ASCC3: variants seen among roughly 807,000 people sequenced by gnomAD.
ASCC3 encodes activating signal cointegrator 1 complex subunit 3.
A neutral mutation model predicts 256.3 loss-of-function variants in ASCC3; 158 were observed. That is an observed-to-expected ratio of 0.62 (90% CI 0.54 to 0.70). The LOEUF (loss-of-function observed/expected upper bound fraction) is 0.70. Among genes scored for constraint, ASCC3 ranks in the 30% least tolerant of loss-of-function variants. The probability of loss-of-function intolerance (pLI) is 0.00; values close to 1 mark genes in which losing one functional copy is unlikely to be tolerated. For synonymous variants in ASCC3, 948 were observed against 883.4 expected, an observed-to-expected ratio of 1.07 and a Z score of -1.30; for missense variants, 2,259 against 2,626.0, an observed-to-expected ratio of 0.86 and a Z score of 3.05.
intron 10 of ASCC3, among the ~76,000 whole-genome samples, chr6:100,740,730 C>T (rs149565067): frequency 1.4e-3 from 206 of 152,262 alleles, no homozygotes; most frequent in Non-Finnish European, 2.3e-3. Context: ...CTAGGAATGG[C>T]AACCCCTGCT....
Position 100,524,460 on chromosome 6 carries a change from T to C in ASCC3, c.5776-6318A>G, listed in dbSNP as rs373551913. ...ATTCTGGATTTAAATAATCCAAAAG[T>C]AAAATAGGAACATTGAGCACTGTGA... On this transcript the variant is annotated intron_variant, in intron 37 of 41. Transcript: ENST00000369162. 4.2e-4 allele frequency among the ~76,000 whole-genome samples: 64 copies of C among 152,248 alleles called. 1 individual carries two copies. In the East Asian group the frequency reaches 9.7e-3, roughly 23 times the overall value.
chr6:100,783,854 T>C (rs554873076), intron 8 of ASCC3, among the ~76,000 whole-genome samples: 31 of 151,774 alleles, frequency 2.0e-4, no homozygotes, highest in Non-Finnish European at 4.3e-4. Context: ...GAGCACGTAC[T>C]ACATATGAGG....
chr6:100,643,991 A>G, intron 23 of ASCC3, 40 bp downstream of exon 23: 1 of 1,393,118 alleles, frequency 7.2e-7, no homozygotes, highest in Non-Finnish European at 1.0e-6. Context: ...AATTTTTTTT[A>G]CAATAGCAAA....
intron 34 of ASCC3, among the ~76,000 whole-genome samples, chr6:100,595,303 T>C (rs915553035): frequency 6.6e-6 from 1 of 152,188 alleles, no homozygotes; most frequent in Admixed American, 6.6e-5. Flanking sequence ...CAGCACATTG[T>C]ACACCATAAT....
At chr6:100,664,941 T>A (rs239222) in intron 14 of ASCC3, among the ~76,000 whole-genome samples, 89,951 of 152,060 alleles carry the variant, frequency 0.59, 27,112 homozygotes, top group East Asian at 0.73. Flanking sequence ...TAAGTCTGCT[T>A]TCTGTGGGCT....
At position 100,509,916 on chromosome 6, in the gene ASCC3, G is replaced by A; in HGVS notation, c.6461+16C>T. The A allele has an allele frequency of 1.2e-6, 2 of 1,601,390 alleles. No homozygotes were observed. Among genetic ancestry groups the A allele is most frequent in the Non-Finnish European group, 8.5e-7 (1 of 1,170,804 alleles). On this transcript the variant is annotated intron_variant, in intron 41 of 41. Coordinates refer to ENST00000369162, the MANE Select transcript of ASCC3 (RefSeq NM_006828.4). Reference sequence around the variant, plus strand: ...AAAAAAAAAAAAGAGAACTTTGGTAGTAGGATTCTTCTTACCTTCCAGGTA... The same window carrying A: ...AAAAAAAAAAAAGAGAACTTTGGTAATAGGATTCTTCTTACCTTCCAGGTA...
At chr6:100,626,533 G>A (rs1049930316) in intron 29 of ASCC3, among the ~76,000 whole-genome samples, 5 of 151,952 alleles carry the variant, frequency 3.3e-5, no homozygotes, top group African/African-American at 1.2e-4. Flanking sequence ...AAGTACTTTA[G>A]TTATTTACTA....
At chr6:100,814,598 T>C (rs1364033296) in intron 4 of ASCC3, among the ~76,000 whole-genome samples, 1 of 152,122 alleles carries the variant, frequency 6.6e-6, no homozygotes, top group Non-Finnish European at 1.5e-5. Flanking sequence ...GTATGATATT[T>C]ATCACTGATT....
chr6:100,751,928 C>T (rs1039353725), intron 10 of ASCC3, among the ~76,000 whole-genome samples: 2 of 152,126 alleles, frequency 1.3e-5, no homozygotes, highest in African/African-American at 4.8e-5. Context: ...GATTCCTAAA[C>T]ATCAGACCCA....
chr6:100,566,159 A>G (rs1413848595), intron 36 of ASCC3, among the ~76,000 whole-genome samples: 1 of 152,204 alleles, frequency 6.6e-6, no homozygotes, highest in Admixed American at 6.5e-5. Flanking sequence ...ATATGTTCCA[A>G]CATGTGTCCC....
intron 29 of ASCC3, among the ~76,000 whole-genome samples, chr6:100,626,578 C>T (rs746598890): frequency 7.9e-5 from 12 of 151,994 alleles, no homozygotes; most frequent in Non-Finnish European, 1.3e-4. Context: ...TCCTTTCCAT[C>T]AATGGTATGC....
At chr6:100,547,604 A>T (rs1769044471) in intron 36 of ASCC3, among the ~76,000 whole-genome samples, 1 of 152,064 alleles carries the variant, frequency 6.6e-6, no homozygotes, top group Non-Finnish European at 1.5e-5. Context: ...AAAAATATAA[A>T]TTAGAATGGC....
chr6:100,745,275 C>T (rs1431432210), intron 10 of ASCC3, among the ~76,000 whole-genome samples: 6 of 151,584 alleles, frequency 4.0e-5, no homozygotes, highest in African/African-American at 1.2e-4. Context: ...TGCAGTGAGC[C>T]GAGATTGCAC....
chr6:100,820,184 T>C (rs1411716648), intron 4 of ASCC3, among the ~76,000 whole-genome samples: 1 of 152,186 alleles, frequency 6.6e-6, no homozygotes, highest in East Asian at 1.9e-4. Flanking sequence ...AAACTCAGAA[T>C]AGTCAAAATA....
intron 10 of ASCC3, among the ~76,000 whole-genome samples, chr6:100,738,947 G>T (rs535079560): frequency 6.6e-6 from 1 of 152,212 alleles, no homozygotes; most frequent in South Asian, 2.1e-4. Flanking sequence ...TATCTTGCCT[G>T]ATTGCCCTGG....
chr6:100,869,284 T>C (rs2114559071), intron 1 of ASCC3, among the ~76,000 whole-genome samples: 1 of 152,256 alleles, frequency 6.6e-6, no homozygotes, highest in South Asian at 2.1e-4. Context: ...AGGAAAGAAC[T>C]GGGAAAGGGG....
chr6:100,625,150 C>T (rs755114002), intron 30 of ASCC3, 42 bp downstream of exon 30: 2 of 1,606,576 alleles, frequency 1.2e-6, no homozygotes, highest in Non-Finnish European at 1.7e-6. Flanking sequence ...TATAATACAA[C>T]CTGAAACGTG....
At chr6:100,575,920 T>C (rs1018111612) in intron 36 of ASCC3, among the ~76,000 whole-genome samples, 3 of 152,076 alleles carry the variant, frequency 2.0e-5, no homozygotes, top group African/African-American at 7.2e-5. Flanking sequence ...ATGATCCTGG[T>C]TTGCCACGAT....
chr6:100,864,101 T>C lies in ASCC3; in HGVS notation c.204A>G (p.Glu68=). The change falls in exon 3 of 42, where the codon GAA becomes GAG. Residue 68 remains glutamate, a synonymous_variant. Transcript: ENST00000369162. ...CAGCATGTAATATATCTTTTAAGTC[T>C]TCATTTATACTTTGCATTTTACTCT... ...LEKSKMQSIN[E]DLKDILHAAK... 1 of 1,596,884 alleles carries C rather than the reference T, an allele frequency of 6.3e-7. No individual in the cohort carries two copies. Among genetic ancestry groups the C allele is most frequent in the African/African-American group, 1.3e-5 (1 of 74,558 alleles).
Sources: gnomAD v4.1 joint callset for allele counts (sites outside exome capture counted in the v4.1 genomes callset) on GRCh38, gnomAD v4.1.1 for gene constraint, MANE v1.5 for transcripts, NCBI Gene and HGNC (gene_info 2026-07-23, HGNC 2026-07-21) for gene names.